Variants in ABI2 observed in about 807,000 individuals in gnomAD.
The protein encoded by ABI2 is abl interactor 2, also known as abelson interactor 2.
A neutral mutation model predicts 59.2 loss-of-function variants in ABI2; 25 were observed. The observed-to-expected ratio is 0.42, with a 90% CI of 0.31 to 0.59. The LOEUF (loss-of-function observed/expected upper bound fraction) is 0.59, where lower values mean the gene tolerates loss of function less well. ABI2 is among the 20% of genes least tolerant of loss of function. The pLI, the probability that ABI2 is intolerant of heterozygous loss-of-function variation, is 0.14. For missense variants in ABI2, 545 were observed against 681.8 expected (o/e 0.80, Z 2.23); for synonymous variants, 213 against 235.5 (o/e 0.90, Z 0.87).
chr2:203,418,330 C>T (rs961984470), intron 11 of ABI2, among the ~76,000 whole-genome samples: 4 of 152,328 alleles, frequency 2.6e-5, no homozygotes, highest in South Asian at 2.1e-4. Context: ...AGTTTCTCTG[C>T]GTGGCTCAGC....
chr2:203,342,570 T>TTATG (rs1553536769), intron 1 of ABI2, among the ~76,000 whole-genome samples: 13 of 150,038 alleles, frequency 8.7e-5, no homozygotes, highest in African/African-American at 2.7e-4. Flanking sequence ...ATTTATTTAT[T>TTATG]TATTTATTTA....
intron 5 of ABI2, among the ~76,000 whole-genome samples, chr2:203,391,449 A>G (rs1416152926): frequency 1.3e-5 from 2 of 152,230 alleles, no homozygotes; most frequent in Admixed American, 6.5e-5. Context: ...ATAGTCTTTT[A>G]TATTACAGTT....
At chr2:203,408,894 A>G (rs1252124501) in intron 9 of ABI2, among the ~76,000 whole-genome samples, 2 of 120,456 alleles carry the variant, frequency 1.7e-5, no homozygotes, top group Non-Finnish European at 3.3e-5. Context: ...TGCGGACTGC[A>G]GTGGCGCAAT....
At chr2:203,374,447 T>C (rs1279027981) in intron 2 of ABI2, among the ~76,000 whole-genome samples, 1 of 140,498 alleles carries the variant, frequency 7.1e-6, no homozygotes, top group Non-Finnish European at 1.5e-5. Flanking sequence ...TGCAGTGAGC[T>C]GAGATCGTGC....
intron 1 of ABI2, among the ~76,000 whole-genome samples, chr2:203,343,342 C>T (rs767783691): frequency 7.9e-5 from 12 of 152,032 alleles, no homozygotes; most frequent in African/African-American, 1.7e-4. Context: ...CTAGCCTGGA[C>T]GACAGCGAGA....
chr2:203,334,587 A>G (rs2075586932), intron 1 of ABI2, among the ~76,000 whole-genome samples: 1 of 152,128 alleles, frequency 6.6e-6, no homozygotes, highest in South Asian at 2.1e-4. Flanking sequence ...GGAAAAAAAC[A>G]ATAGAGAAGA....
In ABI2 at chr2:203,354,759, A is replaced by G. The variant is rs868437305; in HGVS notation, c.118-12118A>G. The stretch of plus-strand genomic sequence containing the variant: ...TGCAAGGGTTGTATTACAGGGAAGA[A>G]CCTGAATTTAGGTAACCTAAATCTT... On this transcript the variant is annotated intron_variant, in intron 1 of 11. Coordinates refer to ENST00000261018, the MANE Select transcript of ABI2 (RefSeq NM_001375670.1). 2.0e-5 allele frequency among the ~76,000 whole-genome samples: 3 copies of G among 152,214 alleles called. No individual in the cohort carries two copies. The South Asian group carries it at 6.2e-4, about 32-fold the overall frequency.
intron 1 of ABI2, among the ~76,000 whole-genome samples, chr2:203,353,988 A>G (rs927768785): frequency 1.3e-5 from 2 of 152,212 alleles, no homozygotes; most frequent in African/African-American, 4.8e-5. Flanking sequence ...CATTGTATCC[A>G]TTATATCTAT....
intron 2 of ABI2, among the ~76,000 whole-genome samples, chr2:203,373,554 C>T (rs1340856191): frequency 6.6e-6 from 1 of 151,968 alleles, no homozygotes; most frequent in African/African-American, 2.4e-5. Flanking sequence ...TAAGCGAGGC[C>T]CATCTTTTTT....
In ABI2 at chr2:203,366,936, A is replaced by G. The variant is rs976381160; in HGVS notation, c.177A>G (p.Ala59=). 6.2e-7 allele frequency: 1 copy of G among 1,613,398 alleles called. No homozygotes were observed. Among genetic ancestry groups the G allele is most frequent in the Non-Finnish European group, 8.5e-7 (1 of 1,179,620 alleles). Residue 59 remains alanine (A), a synonymous_variant, in exon 2 of 12, where the codon GCA becomes GCG. Coordinates refer to ENST00000261018, the MANE Select transcript of ABI2 (RefSeq NM_001375670.1). Reference sequence around the variant, plus strand: ...AAGCCTACACCACCCAATCCTTAGCAAGTGTTGCCTATCTGATAAACACCT... The same window carrying G: ...AAGCCTACACCACCCAATCCTTAGCGAGTGTTGCCTATCTGATAAACACCT... ...ETKAYTTQSL[A]SVAYLINTLA...
rs969994150 is a variant in ABI2, at chr2:203,430,141, A to G, written c.*2789A>G. On this transcript the variant is annotated 3_prime_UTR_variant, in exon 12 of 12. Transcript: ENST00000261018. Reference sequence around the variant, plus strand: ...AGACTTTTAATGTATGTAATATTTCATAGATTGCATGCTATTAATCATCTG... The same window carrying G: ...AGACTTTTAATGTATGTAATATTTCGTAGATTGCATGCTATTAATCATCTG... 6.6e-6 allele frequency: 1 copy of G among 152,222 alleles called. No individual in the cohort carries two copies. The highest frequency in any genetic ancestry group is 1.5e-5 in the Non-Finnish European group (1 of 68,042). 9.4% of individuals were successfully genotyped at this position (152,222 alleles called of 1,614,324 possible). A position where few individuals can be genotyped will look rare whatever the true frequency, so the allele number is the denominator to read the frequency against.
At chr2:203,381,073 A>G (rs1578170652) in intron 3 of ABI2, among the ~76,000 whole-genome samples, 1 of 152,226 alleles carries the variant, frequency 6.6e-6, no homozygotes, top group African/African-American at 2.4e-5. Context: ...ATAAATATAC[A>G]TGCTTATAAT....
chr2:203,358,779 G>A (rs1163606262), intron 1 of ABI2, among the ~76,000 whole-genome samples: 1 of 152,206 alleles, frequency 6.6e-6, no homozygotes, highest in Non-Finnish European at 1.5e-5. Flanking sequence ...GGAGGCTGAG[G>A]TGGGCAGATC....
intron 10 of ABI2, among the ~76,000 whole-genome samples, chr2:203,412,373 C>T (rs1219514051): frequency 2.0e-5 from 3 of 152,120 alleles, no homozygotes; most frequent in Non-Finnish European, 4.4e-5. Flanking sequence ...GACCAAATGC[C>T]CCCCTTTTAT....
At chr2:203,390,522 C>T (rs2096704275) in intron 4 of ABI2, among the ~76,000 whole-genome samples, 1 of 151,982 alleles carries the variant, frequency 6.6e-6, no homozygotes, top group African/African-American at 2.4e-5. Flanking sequence ...GTACCAGCTA[C>T]TTGGGAGGCT....
At chr2:203,336,521 G>A (rs2076516172) in intron 1 of ABI2, among the ~76,000 whole-genome samples, 1 of 152,150 alleles carries the variant, frequency 6.6e-6, no homozygotes, top group Non-Finnish European at 1.5e-5. Context: ...TGATAACAGT[G>A]CCTCATCACC....
intron 1 of ABI2, among the ~76,000 whole-genome samples, chr2:203,341,274 A>G (rs1251925330): frequency 6.6e-6 from 1 of 152,170 alleles, no homozygotes; most frequent in East Asian, 1.9e-4. Flanking sequence ...CCTCCCTGGT[A>G]TGTGAGGGCA....
At chr2:203,329,341 A>ATT (rs11376266) in intron 1 of ABI2, 7,466 of 100,464 alleles carry the variant, frequency 0.074, 458 homozygotes, top group African/African-American at 0.089. Flanking sequence ...TCCTGGTTTA[A>ATT]TTTTTTTTTT....
intron 6 of ABI2, chr2:203,395,146 C>G: frequency 1.4e-6 from 1 of 701,586 alleles, no homozygotes; most frequent in Non-Finnish European, 2.6e-6. Context: ...TTTGGTGGAA[C>G]TTTACAGATG....
Sources: allele counts gnomAD v4.1 joint callset (sites outside exome capture counted in the v4.1 genomes callset), GRCh38; gene constraint gnomAD v4.1.1; transcripts MANE v1.5; gene names NCBI Gene and HGNC (gene_info 2026-07-23, HGNC 2026-07-21).